The following LRRC8C variants were observed in gnomAD, a reference collection of about 807,000 sequenced individuals.
The protein encoded by LRRC8C is volume-regulated anion channel subunit LRRC8C.
LRRC8C carries 20 observed loss-of-function variants against 55.3 expected under a neutral mutation model. The observed-to-expected ratio is 0.36, with a 90% CI of 0.25 to 0.53. LRRC8C has a LOEUF of 0.53. LRRC8C is among the 20% of genes least tolerant of loss of function. The probability of loss-of-function intolerance (pLI) is 0.92; values close to 1 mark genes in which losing one functional copy is unlikely to be tolerated. For synonymous variants in LRRC8C, 376 were observed against 360.7 expected (o/e 1.04, Z -0.48); for missense variants, 659 against 951.4 (o/e 0.69, Z 4.04).
chr1:89,628,142 G>A (rs2101160031), upstream of LRRC8C, among the ~76,000 whole-genome samples: 1 of 152,234 alleles, frequency 6.6e-6, no homozygotes, highest in Non-Finnish European at 1.5e-5. Context: ...GTCTTGGGGT[G>A]GTAAAATAAA....
rs150763326 is a variant in LRRC8C, at chr1:89,698,916, T to C, written c.138+12305T>C. Among the ~76,000 whole-genome samples, 1,359 of 152,086 alleles carry C rather than the reference T, an allele frequency of 8.9e-3. 28 individuals are homozygous for C. Among genetic ancestry groups the C allele is most frequent in the African/African-American group, 0.03 (1,250 of 41,458 alleles). ...AGTGTGTTATTTCCTGGCCATGATA[T>C]AAATGTTAAGCATCATCATCATTAA... On this transcript the variant is annotated intron_variant, in intron 2 of 2. Transcript: ENST00000370454.
intron 1 of LRRC8C, among the ~76,000 whole-genome samples, chr1:89,644,888 C>G (rs1656571574): frequency 6.6e-6 from 1 of 152,150 alleles, no homozygotes; most frequent in Non-Finnish European, 1.5e-5. Flanking sequence ...AGTTTAGTTT[C>G]AGTATAACCG....
intron 1 of LRRC8C, among the ~76,000 whole-genome samples, chr1:89,669,368 A>G (rs1191483623): frequency 1.3e-5 from 2 of 152,292 alleles, no homozygotes; most frequent in African/African-American, 4.8e-5. Flanking sequence ...GCTGTACAAC[A>G]TTGTACCTAT....
chr1:89,638,013 A>G (rs1242772610), intron 1 of LRRC8C, among the ~76,000 whole-genome samples: 3 of 152,218 alleles, frequency 2.0e-5, no homozygotes, highest in South Asian at 2.1e-4. Context: ...GAATTCAGAA[A>G]AGAAAAGGAA....
chr1:89,698,416 C>T (rs1277786415), intron 2 of LRRC8C, among the ~76,000 whole-genome samples: 1 of 152,102 alleles, frequency 6.6e-6, no homozygotes, highest in African/African-American at 2.4e-5. Flanking sequence ...TGGTGTCTAT[C>T]TTTAAAGAGC....
chr1:89,712,423 T>A (rs1425952945), intron 2 of LRRC8C, among the ~76,000 whole-genome samples: 1 of 152,244 alleles, frequency 6.6e-6, no homozygotes, highest in Non-Finnish European at 1.5e-5. Flanking sequence ...GCTAATTTTT[T>A]AAAAATACAT....
the LRRC8C span, among the ~76,000 whole-genome samples, chr1:89,616,809 T>C: frequency 6.6e-6 from 1 of 152,232 alleles, no homozygotes; most frequent in Non-Finnish European, 1.5e-5. Context: ...CTATGAGATC[T>C]CAGGGAATTC....
intron 2 of LRRC8C, among the ~76,000 whole-genome samples, chr1:89,702,969 C>A (rs769473506): frequency 6.6e-6 from 1 of 152,102 alleles, no homozygotes; most frequent in South Asian, 2.1e-4. Flanking sequence ...TCAAAACACA[C>A]GCTCATGAAA....
At chr1:89,655,325 T>C (rs1266157122) in intron 1 of LRRC8C, among the ~76,000 whole-genome samples, 1 of 152,196 alleles carries the variant, frequency 6.6e-6, no homozygotes, top group Non-Finnish European at 1.5e-5. Context: ...TAATTATAGT[T>C]GGGAAGTTTT....
At chr1:89,624,524 G>A in the LRRC8C span, among the ~76,000 whole-genome samples, 1 of 152,152 alleles carries the variant, frequency 6.6e-6, no homozygotes, top group Non-Finnish European at 1.5e-5. Flanking sequence ...ACAGAACAAA[G>A]CTGCACTATT....
chr1:89,678,881 A>T (rs1024520061), intron 1 of LRRC8C, among the ~76,000 whole-genome samples: 5 of 152,092 alleles, frequency 3.3e-5, no homozygotes, highest in Non-Finnish European at 4.4e-5. Context: ...TGCTGTGGGG[A>T]TGGGGAATAG....
chr1:89,631,536 A>G (rs1656107832), upstream of LRRC8C: 1 of 152,154 alleles, frequency 6.6e-6, no homozygotes, highest in South Asian at 2.1e-4. Context: ...AGAGAATTGA[A>G]GAGGTAAAGC....
intron 1 of LRRC8C, among the ~76,000 whole-genome samples, chr1:89,673,953 A>G (rs1047699555): frequency 5.3e-5 from 8 of 152,178 alleles, no homozygotes; most frequent in African/African-American, 1.9e-4. Context: ...ATAGGAGTTA[A>G]CAAAGCAAGG....
chr1:89,616,414 T>C, the LRRC8C span, among the ~76,000 whole-genome samples: 3 of 152,232 alleles, frequency 2.0e-5, no homozygotes, highest in Non-Finnish European at 4.4e-5. Flanking sequence ...CCGAGGCAAC[T>C]GTGCCAAGGA....
intron 1 of LRRC8C, among the ~76,000 whole-genome samples, chr1:89,647,650 A>G (rs1656652086): frequency 6.6e-6 from 1 of 152,196 alleles, no homozygotes; most frequent in South Asian, 2.1e-4. Context: ...TTATTTCTAG[A>G]AAAGGCCATC....
At chr1:89,639,341 A>G (rs7514022) in intron 1 of LRRC8C, among the ~76,000 whole-genome samples, 4,110 of 152,248 alleles carry the variant, frequency 0.027, 187 homozygotes, top group African/African-American at 0.094. Context: ...TCAGTTCACA[A>G]CAAGTAGATC....
At chr1:89,620,064 G>C in the LRRC8C span, among the ~76,000 whole-genome samples, 1 of 152,174 alleles carries the variant, frequency 6.6e-6, no homozygotes, top group African/African-American at 2.4e-5. Context: ...AGGCTGAGAA[G>C]TTCGGGTCAA....
Position 89,715,758 on chromosome 1 carries a change from A to T in LRRC8C, c.*776A>T, listed in dbSNP as rs1048545654. The T allele has an allele frequency of 6.6e-6, 1 of 152,242 alleles. No individual in the cohort carries two copies. Among genetic ancestry groups the T allele is most frequent in the African/African-American group, 2.4e-5 (1 of 41,464 alleles). 9.4% of individuals were successfully genotyped at this position (152,242 alleles called of 1,614,324 possible). A position where few individuals can be genotyped will look rare whatever the true frequency, so the allele number is the denominator to read the frequency against. On this transcript the variant is annotated 3_prime_UTR_variant, in exon 3 of 3. Coordinates refer to ENST00000370454, the MANE Select transcript of LRRC8C (RefSeq NM_032270.5). The stretch of plus-strand genomic sequence containing the variant: ...GAACAACTTTGGAGAACCTAGATTT[A>T]TTTTAATATTCTAATAGATAATTAA...
At chr1:89,656,462 A>G (rs569170275) in intron 1 of LRRC8C, among the ~76,000 whole-genome samples, 1 of 152,306 alleles carries the variant, frequency 6.6e-6, no homozygotes, top group East Asian at 1.9e-4. Flanking sequence ...GATGCTAGGT[A>G]CTGAGTAAGC....
Sources: gnomAD v4.1 joint callset for allele counts (sites outside exome capture counted in the v4.1 genomes callset) on GRCh38, gnomAD v4.1.1 for gene constraint, MANE v1.5 for transcripts, NCBI Gene and HGNC (gene_info 2026-07-23, HGNC 2026-07-21) for gene names.